The following ZC3HAV1 variants were observed in gnomAD, a reference collection of about 807,000 sequenced individuals.
ZC3HAV1 encodes zinc finger CCCH-type antiviral protein 1.
In ZC3HAV1, 41 loss-of-function variants were observed where a neutral mutation model predicts 86.6. That is an observed-to-expected ratio of 0.47 (90% confidence interval 0.37 to 0.61). ZC3HAV1 has a LOEUF of 0.61. Ranked by LOEUF, ZC3HAV1 falls within the 20% of genes least tolerant of loss-of-function variation. The pLI, the probability that ZC3HAV1 is intolerant of heterozygous loss-of-function variation, is 0.00. For missense variants in ZC3HAV1, 964 were observed against 1,141.1 expected (o/e 0.84, Z 2.24); for synonymous variants, 421 against 432.1 (o/e 0.97, Z 0.32).
rs149380844 is a variant in ZC3HAV1 at position 139,079,788 on chromosome 7, G to T, written c.1153C>A (p.Arg385Ser). The T allele has an allele frequency of 3.7e-6, 6 of 1,614,028 alleles. No homozygotes were observed. The highest frequency in any genetic ancestry group is 1.7e-5 in the Admixed American group (1 of 59,996). Residue 385 changes from arginine (R) to serine (S), a missense_variant, in exon 4 of 13, where the codon CGC becomes AGC. By Grantham distance (110) the Arg-to-Ser change is moderately radical. Coordinates refer to ENST00000242351, the MANE Select transcript of ZC3HAV1 (RefSeq NM_020119.4). ...GTTTGCAGAGAGCCAAGAGAAGAGC[G>T]GGCGGCAGGTAGCGTGGGAGAAAAC... The part of the protein sequence containing the change: ...TVFSPTLPAA[R>S]SSLGSLQTPE...
At position 139,057,787 on chromosome 7, in the gene ZC3HAV1, A is replaced by G. The variant is rs1374406483; in HGVS notation, c.2097-2492T>C. ...GATCTCCTGACCTCGTGATCCGCCC[A>G]CCTCAGCCTCCCACAGTGCTGGGAT... On this transcript the variant is annotated intron_variant, in intron 9 of 12. Coordinates refer to ENST00000242351, the MANE Select transcript of ZC3HAV1 (RefSeq NM_020119.4). Among the ~76,000 whole-genome samples the G allele has an allele frequency of 4.3e-5, 6 of 138,822 alleles. 2 individuals are homozygous for G. The highest frequency in any genetic ancestry group is 7.7e-5 in the Non-Finnish European group (5 of 64,674). 91.1% of individuals were successfully genotyped at this position (138,822 alleles called of 152,430 possible). A position where few individuals can be genotyped will look rare whatever the true frequency, so the allele number is the denominator to read the frequency against.
chr7:139,087,726 T>C (rs192194264), intron 2 of ZC3HAV1, among the ~76,000 whole-genome samples: 3 of 152,058 alleles, frequency 2.0e-5, no homozygotes, highest in South Asian at 2.1e-4. Flanking sequence ...AGCTATCTCA[T>C]TGTGTATAAA....
chr7:139,059,678 T>A (rs1168903539), intron 9 of ZC3HAV1, among the ~76,000 whole-genome samples: 1 of 152,130 alleles, frequency 6.6e-6, no homozygotes, highest in African/African-American at 2.4e-5. Context: ...ATTCTAATTC[T>A]TGGGAAATCA....
At chr7:139,078,757 G>T in intron 4 of ZC3HAV1, 104 bp from the exon 5 acceptor site, 2 of 901,984 alleles carry the variant, frequency 2.2e-6, no homozygotes, top group Non-Finnish European at 3.2e-6. Flanking sequence ...TGGGGGCCAT[G>T]TTCAAGAAAA....
In ZC3HAV1 at chr7:139,051,544, C is replaced by T. The variant is rs560395895; in HGVS notation, c.2449+1907G>A. ...ACCTCACCCTGCTGAGTAGATGGGA[C>T]TACAGGCATGTGCCATCATGCCCAG... On this transcript the variant is annotated intron_variant, in intron 12 of 12. Transcript: ENST00000242351. Among the ~76,000 whole-genome samples the T allele has an allele frequency of 1.5e-3, 235 of 151,846 alleles. 1 individual carries two copies. Among genetic ancestry groups the T allele is most frequent in the African/African-American group, 5.3e-3 (219 of 41,380 alleles).
At chr7:139,083,253 G>T (rs922697883) in intron 3 of ZC3HAV1, among the ~76,000 whole-genome samples, 1 of 144,514 alleles carries the variant, frequency 6.9e-6, no homozygotes, top group Non-Finnish European at 1.5e-5. Flanking sequence ...CCTGGGGGGG[G>T]GGGCAATAGT....
intron 7 of ZC3HAV1, 60 bp from the exon 8 acceptor site, chr7:139,065,059 T>A: frequency 1.2e-6 from 2 of 1,600,238 alleles, no homozygotes; most frequent in Non-Finnish European, 1.7e-6. Flanking sequence ...TCTCTACTGT[T>A]ATATGATTTC....
At chr7:139,075,316 T>C (rs1816907699) in intron 6 of ZC3HAV1, among the ~76,000 whole-genome samples, 3 of 152,322 alleles carry the variant, frequency 2.0e-5, no homozygotes, top group Admixed American at 2.0e-4. Context: ...GTAATGTAAC[T>C]TTTCCCCCTT....
intron 12 of ZC3HAV1, among the ~76,000 whole-genome samples, chr7:139,052,606 C>CAAAAAAAAA (rs35386659): frequency 1.5e-5 from 1 of 64,964 alleles, no homozygotes; most frequent in Non-Finnish European, 3.5e-5. Context: ...ACTCTGTCTC[C>CAAAAAAAAA]AAAAAAAAAA....
intron 3 of ZC3HAV1, among the ~76,000 whole-genome samples, chr7:139,082,873 T>TG (rs1271716884): frequency 6.9e-6 from 1 of 144,160 alleles, no homozygotes; most frequent in Admixed American, 6.9e-5. Flanking sequence ...TTTAAAATAT[T>TG]GGTTTTTTTT....
intron 1 of ZC3HAV1, among the ~76,000 whole-genome samples, chr7:139,103,269 T>A (rs937967333): frequency 4.0e-5 from 6 of 150,296 alleles, no homozygotes; most frequent in East Asian, 1.9e-4. Flanking sequence ...TTTTTTATTT[T>A]TTTATTTTTT....
At chr7:139,052,577 C>T (rs1169860666) in intron 12 of ZC3HAV1, among the ~76,000 whole-genome samples, 2 of 144,050 alleles carry the variant, frequency 1.4e-5, no homozygotes, top group Non-Finnish European at 3.0e-5. Flanking sequence ...TGCACTCCAG[C>T]CTGGGCAATA....
At position 139,089,691 on chromosome 7, in the gene ZC3HAV1, A is replaced by G; in HGVS notation, c.377T>C (p.Leu126Pro). ...TAATTCCTCTTTGTTCAGTCCAGAG[A>G]GTTCGTGATTTTTCAGGACTTTGAA... ...ENFKVLKNHELSGLNKEELAV... is the reference protein window; with the variant it reads ...ENFKVLKNHEPSGLNKEELAV... The change falls in exon 2 of 13, where the codon CTC (leucine) becomes CCC (proline). Residue 126 changes from leucine to proline, a missense_variant. Leu to Pro is a moderately conservative substitution (Grantham distance 98). Coordinates refer to ENST00000242351, the MANE Select transcript of ZC3HAV1 (RefSeq NM_020119.4). 2 of 1,613,246 alleles carry G rather than the reference A, an allele frequency of 1.2e-6. No homozygotes were observed. The highest frequency in any genetic ancestry group is 1.7e-6 in the Non-Finnish European group (2 of 1,179,688).
chr7:139,072,189 G>A (rs1042614017), intron 7 of ZC3HAV1, among the ~76,000 whole-genome samples: 30 of 151,734 alleles, frequency 2.0e-4, no homozygotes, highest in African/African-American at 7.0e-4. Context: ...CTTTGTCCCT[G>A]CATTATCTTT....
rs796221968 is a variant in ZC3HAV1, at chr7:139,109,510, C to G, written c.-179G>C. 4.7e-5 allele frequency: 37 copies of G among 781,540 alleles called. No homozygotes were observed. The African/African-American group carries it at 6.6e-4, about 14-fold the overall frequency. The allele number at this position is 781,540 out of a possible 1,614,324, so 48.4% of individuals were successfully genotyped here. A position where few individuals can be genotyped will look rare whatever the true frequency, so the allele number is the denominator to read the frequency against. Reference sequence around the variant, plus strand: ...CCAGCCCAGCGATCCACTCTCGGCTCTCAGGTCAAGAGGCTAGATCTCACC... The same window carrying G: ...CCAGCCCAGCGATCCACTCTCGGCTGTCAGGTCAAGAGGCTAGATCTCACC... On this transcript the variant is annotated 5_prime_UTR_variant, in exon 1 of 13. Transcript: ENST00000242351.
intron 7 of ZC3HAV1, among the ~76,000 whole-genome samples, chr7:139,070,590 G>A (rs1816742856): frequency 6.6e-6 from 1 of 151,508 alleles, no homozygotes; most frequent in African/African-American, 2.4e-5. Context: ...CGTGAACACG[G>A]GAGGCGGGGC....
At chr7:139,078,453 C>T in intron 5 of ZC3HAV1, 99 bp downstream of exon 5, 1 of 833,520 alleles carries the variant, frequency 1.2e-6, no homozygotes, top group Non-Finnish European at 1.9e-6. Flanking sequence ...GAATTGAAAG[C>T]AGGGTTTTCA....
chr7:139,099,340 C>G (rs1167822854), intron 1 of ZC3HAV1, among the ~76,000 whole-genome samples: 1 of 152,192 alleles, frequency 6.6e-6, no homozygotes, highest in African/African-American at 2.4e-5. Context: ...ACAGAAGGAA[C>G]TTCAGGAAGA....
intron 7 of ZC3HAV1, among the ~76,000 whole-genome samples, chr7:139,073,138 A>C (rs1816830294): frequency 6.6e-6 from 1 of 152,002 alleles, no homozygotes; most frequent in Admixed American, 6.6e-5. Flanking sequence ...TCTACTAAAA[A>C]TACAAAAATT....
Sources: allele counts gnomAD v4.1 joint callset (sites outside exome capture counted in the v4.1 genomes callset), GRCh38; gene constraint gnomAD v4.1.1; transcripts MANE v1.5; gene names NCBI Gene and HGNC (gene_info 2026-07-23, HGNC 2026-07-21).